The following CDH18 variants were observed in gnomAD, a reference collection of about 807,000 sequenced individuals.
CDH18 encodes cadherin 18.
A neutral mutation model predicts 67.9 loss-of-function variants in CDH18; 31 were observed. That is an observed-to-expected ratio of 0.46 (90% confidence interval 0.34 to 0.62). CDH18 has a LOEUF of 0.62. CDH18 is among the 20% of genes least tolerant of loss of function. The pLI is 0.01. For missense variants in CDH18, 890 were observed against 975.5 expected (o/e 0.91, Z 1.17); for synonymous variants, 362 against 347.2 (o/e 1.04, Z -0.48).
intron 1 of CDH18, among the ~76,000 whole-genome samples, chr5:20,361,317 A>T (rs1476064562): frequency 6.6e-6 from 1 of 152,170 alleles, no homozygotes; most frequent in South Asian, 2.1e-4. Flanking sequence ...TGTTACATTA[A>T]TTAGCTATTA....
chr5:19,581,605 A>G (rs576360177), intron 7 of CDH18, among the ~76,000 whole-genome samples: 12 of 152,166 alleles, frequency 7.9e-5, no homozygotes, highest in East Asian at 3.9e-4. Flanking sequence ...GAGACTCTTC[A>G]TGACCTCTTC....
intron 5 of CDH18, among the ~76,000 whole-genome samples, chr5:19,708,267 T>G (rs979847616): frequency 6.6e-6 from 1 of 152,178 alleles, no homozygotes; most frequent in Non-Finnish European, 1.5e-5. Context: ...GAGCTGCAGA[T>G]GGATTAGTAG....
At chr5:19,864,367 G>A (rs1485565966) in intron 2 of CDH18, among the ~76,000 whole-genome samples, 1 of 142,954 alleles carries the variant, frequency 7.0e-6, no homozygotes, top group African/African-American at 2.6e-5. Context: ...ATCACACTCT[G>A]GGGACTGTTG....
rs553479159 is a variant in CDH18 at position 19,673,532 on chromosome 5, A to T, written c.643+47815T>A. Among the ~76,000 whole-genome samples, 6 of 152,188 alleles carry T rather than the reference A, an allele frequency of 3.9e-5. No individual in the cohort carries two copies. In the South Asian group the frequency reaches 1.2e-3, roughly 31 times the overall value. On this transcript the variant is annotated intron_variant, in intron 5 of 12. Coordinates refer to ENST00000382275, the MANE Select transcript of CDH18 (RefSeq NM_004934.5). ...ACTAACGTAAAGCATAAATTTGGAAAGAATTATAAATCATCAGATATATTT... is the reference window on the plus strand; with the variant it reads ...ACTAACGTAAAGCATAAATTTGGAATGAATTATAAATCATCAGATATATTT...
chr5:20,532,599 T>C (rs1191651699), intron 1 of CDH18, among the ~76,000 whole-genome samples: 1 of 152,108 alleles, frequency 6.6e-6, no homozygotes. Context: ...CAAGATGATA[T>C]GCACAGAGTT....
At chr5:19,679,689 T>C (rs1210906441) in intron 5 of CDH18, among the ~76,000 whole-genome samples, 1 of 151,888 alleles carries the variant, frequency 6.6e-6, no homozygotes, top group East Asian at 1.9e-4. Context: ...ATCCCATTTC[T>C]AGCAGCCACA....
chr5:19,892,182 A>G (rs1261410199), intron 2 of CDH18, among the ~76,000 whole-genome samples: 11 of 152,210 alleles, frequency 7.2e-5, no homozygotes, highest in Admixed American at 6.5e-4. Context: ...GTTAGAAGAC[A>G]CTGTCTGAAG....
chr5:19,760,784 T>C (rs1772225479), intron 3 of CDH18, among the ~76,000 whole-genome samples: 2 of 152,078 alleles, frequency 1.3e-5, no homozygotes, highest in South Asian at 4.2e-4. Flanking sequence ...GCAGAGATGA[T>C]GGGGGTGGCT....
chr5:20,039,540 C>T lies in CDH18; in HGVS notation c.-517-47526G>A, dbSNP rs574748269. ...CACAACAGAGGCCTCAGAAATAATG[C>T]CACACATCTACAATGATCTGATCTT... On this transcript the variant is annotated intron_variant, in intron 2 of 14. Transcript: ENST00000507958. Among the ~76,000 whole-genome samples, 13 of 152,140 alleles carry T rather than the reference C, an allele frequency of 8.5e-5. No homozygotes were observed. In the South Asian group the frequency reaches 2.3e-3, roughly 27 times the overall value.
intron 2 of CDH18, among the ~76,000 whole-genome samples, chr5:20,182,659 G>A (rs1038067318): frequency 3.1e-4 from 47 of 151,340 alleles, no homozygotes; most frequent in African/African-American, 1.1e-3. Context: ...GTTATGAGGG[G>A]GTCCAACCTC....
intron 3 of CDH18, among the ~76,000 whole-genome samples, chr5:19,774,812 A>C (rs1774150721): frequency 2.5e-5 from 1 of 40,162 alleles, no homozygotes; most frequent in Admixed American, 2.1e-4. Flanking sequence ...CTGTCTCAAA[A>C]AAAAAAAAAA....
chr5:20,042,469 T>C (rs1458695128), intron 2 of CDH18, among the ~76,000 whole-genome samples: 1 of 152,194 alleles, frequency 6.6e-6, no homozygotes, highest in African/African-American at 2.4e-5. Flanking sequence ...ATAAAATACA[T>C]TTCTGAGTAA....
chr5:19,508,583 A>G (rs546019402), intron 10 of CDH18, among the ~76,000 whole-genome samples: 1 of 152,066 alleles, frequency 6.6e-6, no homozygotes, highest in Non-Finnish European at 1.5e-5. Context: ...GAAAAAAAAT[A>G]GACAGTTGCT....
intron 2 of CDH18, among the ~76,000 whole-genome samples, chr5:19,953,367 G>T (rs185324795): frequency 6.6e-6 from 1 of 151,980 alleles, no homozygotes; most frequent in Admixed American, 6.6e-5. Context: ...AAGAACTAGA[G>T]TACTGCTTAT....
At chr5:20,155,017 T>A (rs1443355291) in intron 2 of CDH18, among the ~76,000 whole-genome samples, 2 of 152,184 alleles carry the variant, frequency 1.3e-5, no homozygotes, top group Non-Finnish European at 2.9e-5. Flanking sequence ...TTTCAAAGGC[T>A]GTCATCTATA....
chr5:19,699,859 TTGA>T (rs1161337951), intron 5 of CDH18, among the ~76,000 whole-genome samples: 1 of 152,038 alleles, frequency 6.6e-6, no homozygotes, highest in Admixed American at 6.6e-5. Flanking sequence ...CTGGGGGTGG[TTGA>T]TGAGATATTA....
At chr5:20,518,745 C>T (rs1426504136) in intron 1 of CDH18, among the ~76,000 whole-genome samples, 1 of 152,152 alleles carries the variant, frequency 6.6e-6, no homozygotes, top group African/African-American at 2.4e-5. Context: ...GACAGTTTAT[C>T]CGTCGTATTC....
chr5:19,889,561 A>G (rs999424456), intron 2 of CDH18, among the ~76,000 whole-genome samples: 1 of 151,998 alleles, frequency 6.6e-6, no homozygotes, highest in Non-Finnish European at 1.5e-5. Flanking sequence ...TTACTGTCCT[A>G]TTCTGCAGAA....
Position 19,471,898 on chromosome 5 carries a change from A to C in CDH18, c.*1328T>G, listed in dbSNP as rs1331222079. 6.6e-6 allele frequency among the ~76,000 whole-genome samples: 1 copy of C among 152,190 alleles called. No individual in the cohort carries two copies. Among genetic ancestry groups the C allele is most frequent in the East Asian group, 1.9e-4 (1 of 5,190 alleles). The stretch of plus-strand genomic sequence containing the variant: ...CGTCTGCAAGCTTTTATGCAATTGA[A>C]TACTTTGCAGTTGGCAAAGCATTTT... On this transcript the variant is annotated 3_prime_UTR_variant, in exon 13 of 13. Coordinates refer to ENST00000382275, the MANE Select transcript of CDH18 (RefSeq NM_004934.5).
Sources: allele counts gnomAD v4.1 joint callset (sites outside exome capture counted in the v4.1 genomes callset), GRCh38; gene constraint gnomAD v4.1.1; transcripts MANE v1.5; gene names NCBI Gene and HGNC (gene_info 2026-07-23, HGNC 2026-07-21).